Variants in PCDH15 observed in about 807,000 individuals in gnomAD.
PCDH15 encodes protocadherin-15.
In PCDH15, 129 loss-of-function variants were observed where a neutral mutation model predicts 178.5. The observed-to-expected ratio is 0.72, with a 90% confidence interval of 0.63 to 0.84. The LOEUF (loss-of-function observed/expected upper bound fraction) is 0.84, where lower values mean the gene tolerates loss of function less well. PCDH15 is among the 40% of genes least tolerant of loss of function. The pLI, the probability that PCDH15 is intolerant of heterozygous loss-of-function variation, is 0.00. For synonymous variants in PCDH15, 800 were observed against 732.0 expected (o/e 1.09, Z -1.50); for missense variants, 2,230 against 2,099.9 (o/e 1.06, Z -1.21).
At chr10:54,578,334 A>G (rs1227874992) in intron 2 of PCDH15, among the ~76,000 whole-genome samples, 6 of 152,124 alleles carry the variant, frequency 3.9e-5, no homozygotes, top group African/African-American at 1.4e-4. Flanking sequence ...CCCTTGATTG[A>G]TAAAGAAAAT....
At chr10:55,066,115 C>T (rs948376410) in intron 2 of PCDH15, among the ~76,000 whole-genome samples, 16 of 151,398 alleles carry the variant, frequency 1.1e-4, no homozygotes, top group African/African-American at 2.9e-4. Flanking sequence ...CAAAAATTGT[C>T]AGCTTATTAT....
chr10:53,819,875 G>T (rs1037464349), intron 33 of PCDH15, among the ~76,000 whole-genome samples: 1 of 151,878 alleles, frequency 6.6e-6, no homozygotes. Flanking sequence ...GTCAGAAAAA[G>T]ACTGGCTTAA....
intron 2 of PCDH15, among the ~76,000 whole-genome samples, chr10:55,414,490 T>C (rs1157476880): frequency 6.6e-6 from 1 of 151,688 alleles, no homozygotes; most frequent in Non-Finnish European, 1.5e-5. Context: ...ATAGACATTA[T>C]AGTAGTATTA....
chr10:54,600,272 A>T, intron 2 of PCDH15: 1 of 550,832 alleles, frequency 1.8e-6, no homozygotes, highest in Non-Finnish European at 3.4e-6. Flanking sequence ...AAGTGGGAGG[A>T]AATGGGGAAT....
chr10:53,821,368 A>G (rs1264931168), intron 32 of PCDH15: 9 of 994,440 alleles, frequency 9.1e-6, no homozygotes, highest in Non-Finnish European at 1.1e-5. Flanking sequence ...ATTATATTTT[A>G]CTTCGGTAGT....
Position 54,214,058 on chromosome 10 carries a change from A to ATTGAGAT in PCDH15, c.986-17_986-11dup. The ATTGAGAT allele has an allele frequency of 6.9e-7, 1 of 1,458,472 alleles. No homozygotes were observed. The highest frequency in any genetic ancestry group is 9.6e-7 in the Non-Finnish European group (1 of 1,038,916). 90.3% of individuals were successfully genotyped at this position (1,458,472 alleles called of 1,614,324 possible). On this transcript the variant is annotated splice_polypyrimidine_tract_variant and intron_variant, in intron 9 of 37. Transcript: ENST00000644397. Reference sequence around the variant, plus strand: ...TAATCCTCAGGAGTCCCTGGAAGACATTGAGATTTCAGTACATAATTGAGA... The same window carrying ATTGAGAT: ...TAATCCTCAGGAGTCCCTGGAAGACATTGAGATTTGAGATTTCAGTACATAATTGAGA...
At chr10:53,873,719 G>A (rs2080028598) in intron 26 of PCDH15, among the ~76,000 whole-genome samples, 1 of 152,142 alleles carries the variant, frequency 6.6e-6, no homozygotes. Flanking sequence ...AAAACAAAGT[G>A]CTATGGACTG....
At chr10:53,876,659 A>G (rs1016245776) in intron 26 of PCDH15, among the ~76,000 whole-genome samples, 3 of 152,078 alleles carry the variant, frequency 2.0e-5, no homozygotes, top group Non-Finnish European at 4.4e-5. Flanking sequence ...AGAGAAAGAG[A>G]AAAGAAACAT....
At chr10:54,028,522 A>C (rs1382948209) in intron 18 of PCDH15, among the ~76,000 whole-genome samples, 3 of 151,972 alleles carry the variant, frequency 2.0e-5, no homozygotes, top group Non-Finnish European at 4.4e-5. Flanking sequence ...ACGATAGCAA[A>C]GTCTTGGAAC....
rs180905302 is a variant in PCDH15 at position 55,349,677 on chromosome 10, C to T, written c.-155-183026G>A. On this transcript the variant is annotated intron_variant, in intron 2 of 5. Transcript: ENST00000613346. ...ATTAATAGAACATTTGCTGTAAATA[C>T]GCAGGTTCAAATGCTCAAAGAATCT... Among the ~76,000 whole-genome samples, 851 of 152,016 alleles carry T rather than the reference C, an allele frequency of 5.6e-3. 1 individual carries two copies. Among genetic ancestry groups the T allele is most frequent in the Non-Finnish European group, 7.0e-3 (478 of 67,970 alleles).
intron 3 of PCDH15, among the ~76,000 whole-genome samples, chr10:54,821,877 A>G (rs543137283): frequency 6.6e-6 from 1 of 151,986 alleles, no homozygotes; most frequent in East Asian, 1.9e-4. Flanking sequence ...TGGTATGGTG[A>G]TTAATCTTAA....
intron 9 of PCDH15, among the ~76,000 whole-genome samples, chr10:54,227,330 C>T (rs1216596129): frequency 6.6e-6 from 1 of 152,208 alleles, no homozygotes; most frequent in African/African-American, 2.4e-5. Flanking sequence ...AGGCTCAATA[C>T]TTTGTGGAAG....
chr10:54,650,869 T>C (rs753673007), intron 2 of PCDH15, among the ~76,000 whole-genome samples: 1 of 152,124 alleles, frequency 6.6e-6, no homozygotes, highest in Non-Finnish European at 1.5e-5. Flanking sequence ...CTAGAGCACA[T>C]GGGAATTATG....
intron 1 of PCDH15, among the ~76,000 whole-genome samples, chr10:55,312,881 T>G (rs1316968938): frequency 6.6e-6 from 1 of 152,124 alleles, no homozygotes; most frequent in East Asian, 1.9e-4. Context: ...CCTCCCAAAG[T>G]GCTGAGATTA....
chr10:54,175,383 C>A (rs1250837479), intron 13 of PCDH15, among the ~76,000 whole-genome samples: 1 of 152,036 alleles, frequency 6.6e-6, no homozygotes, highest in Non-Finnish European at 1.5e-5. Flanking sequence ...ATGTACGTGT[C>A]CTCCACAGAG....
chr10:55,455,096 A>G (rs1216784452), intron 2 of PCDH15, among the ~76,000 whole-genome samples: 2 of 152,122 alleles, frequency 1.3e-5, no homozygotes, highest in African/African-American at 4.8e-5. Context: ...TTATAGTAAA[A>G]GTACAAATGG....
At chr10:54,247,080 G>A (rs1278199146) in intron 8 of PCDH15, among the ~76,000 whole-genome samples, 1 of 151,724 alleles carries the variant, frequency 6.6e-6, no homozygotes, top group African/African-American at 2.4e-5. Context: ...AATTCTTATG[G>A]CTTATATTTA....
chr10:55,007,253 G>A (rs1025557723), intron 2 of PCDH15, among the ~76,000 whole-genome samples: 1 of 152,086 alleles, frequency 6.6e-6, no homozygotes, highest in African/African-American at 2.4e-5. Context: ...GCCTAATACT[G>A]ATACTAAAAC....
intron 27 of PCDH15, among the ~76,000 whole-genome samples, chr10:53,859,897 T>C (rs767784354): frequency 9.2e-5 from 14 of 152,150 alleles, no homozygotes; most frequent in African/African-American, 1.4e-4. Flanking sequence ...TAAGCCTTCC[T>C]ATCTTAGGGT....
Sources: gnomAD v4.1 joint callset for allele counts (sites outside exome capture counted in the v4.1 genomes callset) on GRCh38, gnomAD v4.1.1 for gene constraint, MANE v1.5 for transcripts, NCBI Gene and HGNC (gene_info 2026-07-23, HGNC 2026-07-21) for gene names.